Variants in PTCH1 observed in about 807,000 individuals in gnomAD.
PTCH1 encodes protein patched homolog 1.
Under a neutral mutation model 144.6 loss-of-function variants are expected in PTCH1, and 14 were observed. That is an observed-to-expected ratio of 0.10 (90% confidence interval 0.06 to 0.15). The LOEUF (loss-of-function observed/expected upper bound fraction) is 0.15. Among genes scored for constraint, PTCH1 ranks in the 10% least tolerant of loss-of-function variants. The pLI is 1.00. For missense variants in PTCH1, 1,623 were observed against 1,948.3 expected (o/e 0.83, Z 3.14); for synonymous variants, 833 against 793.6 (o/e 1.05, Z -0.83).
rs144501989 is a variant in PTCH1 at position 95,468,831 on chromosome 9, C to T, written c.2170G>A (p.Glu724Lys). ...QFSDSSLHCL[E>K]PPCTKWTLSS... Reference sequence around the variant, plus strand: ...AGTGTCCACTTCGTACAGGGGGGCTCGAGGCAGTGGAGGCTGGAGTCGGAG... The same window carrying T: ...AGTGTCCACTTCGTACAGGGGGGCTTGAGGCAGTGGAGGCTGGAGTCGGAG... The change falls in exon 14 of 24, where the codon GAG becomes AAG. Residue 724 changes from glutamate (E) to lysine (K), a missense_variant. Glu to Lys is a moderately conservative substitution (Grantham distance 56). Coordinates refer to ENST00000331920, the MANE Select transcript of PTCH1 (RefSeq NM_000264.5). 1.5e-5 allele frequency: 24 copies of T among 1,614,010 alleles called. No individual in the cohort carries two copies. The African/African-American group carries it at 2.8e-4, about 19-fold the overall frequency.
chr9:95,482,011 A>G lies in PTCH1; in HGVS notation c.684T>C (p.Ile228=), dbSNP rs1452256622. Residue 228 remains isoleucine, a synonymous_variant, in exon 5 of 24, where the codon ATT becomes ATC. Coordinates refer to ENST00000331920, the MANE Select transcript of PTCH1 (RefSeq NM_000264.5). ...CCCAGAAGCAGTCCAAAGGTGTAAT[A>G]ATCAAACAAGGGTAAAGATATTCTA... ...QIIEYLYPCL[I]ITPLDCFWEG... is the part of the protein sequence containing the mutation. 1.2e-6 allele frequency: 2 copies of G among 1,614,024 alleles called. No homozygotes were observed. The highest frequency in any genetic ancestry group is 1.6e-4 in the Middle Eastern group (1 of 6,062).
chr9:95,505,596 T>TGA (rs955937943), intron 2 of PTCH1, among the ~76,000 whole-genome samples: 69 of 152,280 alleles, frequency 4.5e-4, no homozygotes, highest in African/African-American at 1.7e-3. Flanking sequence ...AGAACCCCTC[T>TGA]GAGAGGTCCC....
At chr9:95,484,327 C>G (rs1040818386) in intron 3 of PTCH1, 9 of 152,180 alleles carry the variant, frequency 5.9e-5, no homozygotes, top group Non-Finnish European at 1.3e-4. Context: ...TTCTAAGGCC[C>G]TTGCATTCAT....
At chr9:95,457,575 C>A (rs1380824981) in intron 18 of PTCH1, among the ~76,000 whole-genome samples, 1 of 152,158 alleles carries the variant, frequency 6.6e-6, no homozygotes, top group Non-Finnish European at 1.5e-5. Flanking sequence ...TTAAAACACA[C>A]AAAATCATTT....
chr9:95,491,466 T>C (rs1233582610), intron 2 of PTCH1, among the ~76,000 whole-genome samples: 1 of 152,194 alleles, frequency 6.6e-6, no homozygotes, highest in Non-Finnish European at 1.5e-5. Context: ...TCCCAGACCC[T>C]TACCCAAGAG....
intron 1 of PTCH1, chr9:95,507,266 T>A (rs1843753965): frequency 1.0e-6 from 1 of 985,310 alleles, no homozygotes; most frequent in African/African-American, 1.7e-5. Flanking sequence ...GCCACATGGA[T>A]CTTTCCCTCC....
At chr9:95,507,746 G>GTACAGGAGTT (rs1843814249) in intron 1 of PTCH1, 1 of 211,038 alleles carries the variant, frequency 4.7e-6, no homozygotes. Flanking sequence ...TGTGGCAGCC[G>GTACAGGAGTT]TACAGGAGTT....
At chr9:95,489,283 G>A (rs985036241) in intron 2 of PTCH1, among the ~76,000 whole-genome samples, 4 of 152,232 alleles carry the variant, frequency 2.6e-5, no homozygotes, top group Non-Finnish European at 5.9e-5. Flanking sequence ...AGCTCAGGAA[G>A]TCCCACAGAA....
At chr9:95,462,166 A>G (rs961516887) in intron 15 of PTCH1, among the ~76,000 whole-genome samples, 168 bp from the exon 16 acceptor site, 49 of 152,210 alleles carry the variant, frequency 3.2e-4, no homozygotes, top group Admixed American at 3.1e-3. Flanking sequence ...TGGATCTTTC[A>G]TGAATGAACT....
intron 8 of PTCH1, 135 bp downstream of exon 8, chr9:95,478,865 G>C (rs1841303475): frequency 7.2e-7 from 1 of 1,390,974 alleles, no homozygotes; most frequent in Admixed American, 2.0e-5. Context: ...GAGGAAAAAA[G>C]TTTTCATCCC....
Position 95,482,908 on chromosome 9 carries a change from T to TAATGAATGAATGA in PTCH1, c.585-718_585-706dup, listed in dbSNP as rs1300760844. On this transcript the variant is annotated intron_variant, in intron 3 of 23. Coordinates refer to ENST00000331920, the MANE Select transcript of PTCH1 (RefSeq NM_000264.5). The stretch of plus-strand genomic sequence containing the variant: ...GCAGCAAAGTGAGACCCTATCTCTA[T>TAATGAATGAATGA]AATGAATGAATGAAATGAATGAATG... 12 of 152,658 alleles carry TAATGAATGAATGA rather than the reference T, an allele frequency of 7.9e-5. 2 individuals are homozygous for TAATGAATGAATGA. Among genetic ancestry groups the TAATGAATGAATGA allele is most frequent in the Admixed American group, 6.5e-4 (10 of 15,326 alleles). 9.5% of individuals were successfully genotyped at this position (152,658 alleles called of 1,614,324 possible). A position where few individuals can be genotyped will look rare whatever the true frequency, so the allele number is the denominator to read the frequency against.
rs1263463347 is a variant in PTCH1, at chr9:95,443,769, T to G, written c.*2624A>C. ...TACACTACAAAAATAAATCTTCATATAAATAAATTATATGGCATACTTTTA... is the reference window on the plus strand; with the variant it reads ...TACACTACAAAAATAAATCTTCATAGAAATAAATTATATGGCATACTTTTA... On this transcript the variant is annotated 3_prime_UTR_variant, in exon 24 of 24. Transcript: ENST00000331920. 1.3e-5 allele frequency: 2 copies of G among 152,646 alleles called. No individual in the cohort carries two copies. Among genetic ancestry groups the G allele is most frequent in the Admixed American group, 6.5e-5 (1 of 15,282 alleles). 9.5% of individuals were successfully genotyped at this position (152,646 alleles called of 1,614,324 possible).
chr9:95,478,643 C>T (rs573807796), intron 8 of PTCH1, among the ~76,000 whole-genome samples: 1 of 152,320 alleles, frequency 6.6e-6, no homozygotes, highest in East Asian at 1.9e-4. Flanking sequence ...AGGCCAGCTC[C>T]TGTCACATGA....
At chr9:95,453,396 C>T (rs1442413901) in intron 20 of PTCH1, 82 bp downstream of exon 20, 2 of 1,597,880 alleles carry the variant, frequency 1.3e-6, no homozygotes, top group African/African-American at 1.3e-5. Flanking sequence ...TCCTAAAGTG[C>T]TGGGATTACA....
chr9:95,459,960 A>T, intron 16 of PTCH1, 177 bp from the exon 17 acceptor site: 1 of 714,768 alleles, frequency 1.4e-6, no homozygotes, highest in Non-Finnish European at 2.4e-6. Context: ...ATGTGCACTT[A>T]TCGGAGGATG....
intron 23 of PTCH1, 76 bp downstream of exon 23, chr9:95,446,835 G>A (rs1286911869): frequency 7.5e-5 from 119 of 1,596,678 alleles, no homozygotes; most frequent in Non-Finnish European, 9.1e-5. Context: ...CGGGGATGCC[G>A]AGAACCCCAG....
intron 1 of PTCH1, 158 bp downstream of exon 1, chr9:95,508,002 TC>T (rs1843858991): frequency 6.6e-7 from 1 of 1,517,146 alleles, no homozygotes; most frequent in Non-Finnish European, 8.8e-7. Context: ...AATTTTTCAA[TC>T]CCCATTTGTC....
Position 95,479,984 on chromosome 9 carries a change from G to C in PTCH1, c.1052C>G (p.Thr351Ser), listed in dbSNP as rs1159971759. 2 of 1,614,108 alleles carry C rather than the reference G, an allele frequency of 1.2e-6. No individual in the cohort carries two copies. Among genetic ancestry groups the C allele is most frequent in the South Asian group, 2.2e-5 (2 of 91,062 alleles). Residue 351 changes from threonine to serine, a missense_variant, in exon 7 of 24, where the codon ACT (threonine) becomes AGT (serine). This residue lies in a region of PTCH1 where 230 missense variants were observed against 271.0 expected (regional missense o/e 0.85). Transcript: ENST00000331920. ...LIVGGTVKNS[T>S]GKLVSAHALQ... ...GCTGGCTTACCTGACGAGTTTTCCAGTGCTGTTCTTGACTGTGCCACCCAC... is the reference window on the plus strand; with the variant it reads ...GCTGGCTTACCTGACGAGTTTTCCACTGCTGTTCTTGACTGTGCCACCCAC...
At chr9:95,511,104 T>G (rs1299599332), upstream of PTCH1, among the ~76,000 whole-genome samples, 2 of 149,222 alleles carry the variant, frequency 1.3e-5, no homozygotes, top group Non-Finnish European at 1.5e-5. Context: ...CGCTCACGAG[T>G]CCCTGCCCAT....
Sources: allele counts gnomAD v4.1 joint callset (sites outside exome capture counted in the v4.1 genomes callset), GRCh38; gene constraint gnomAD v4.1.1; regional missense constraint gnomAD v4.1.1; transcripts MANE v1.5; gene names NCBI Gene and HGNC (gene_info 2026-07-23, HGNC 2026-07-21).